MCCC1: variants seen among roughly 807,000 people sequenced by gnomAD.
MCCC1 encodes the protein methylcrotonoyl-CoA carboxylase subunit alpha, mitochondrial.
In MCCC1, 64 loss-of-function variants were observed where a neutral mutation model predicts 83.8. That is an observed-to-expected ratio of 0.76 (90% CI 0.62 to 0.94). The LOEUF (loss-of-function observed/expected upper bound fraction) is 0.94. MCCC1 is among the 40% of genes least tolerant of loss of function. MCCC1 has a pLI of 0.00. For missense variants in MCCC1, 807 were observed against 904.7 expected (o/e 0.89, Z 1.39); for synonymous variants, 322 against 315.4 (o/e 1.02, Z -0.22).
chr3:183,079,533 G>T (rs969093969), intron 4 of MCCC1, among the ~76,000 whole-genome samples: 2 of 152,198 alleles, frequency 1.3e-5, no homozygotes, highest in African/African-American at 4.8e-5. Context: ...CAACCTTGTG[G>T]CTTTGCAGGG....
At chr3:183,102,758 G>GGTT (rs1719334831), upstream of MCCC1, among the ~76,000 whole-genome samples, 1 of 52,168 alleles carries the variant, frequency 1.9e-5, no homozygotes, top group Non-Finnish European at 3.6e-5. Context: ...AGCAGAGAAA[G>GGTT]TTTTTTTTTT....
chr3:183,065,252 A>G (rs999462194), intron 7 of MCCC1, among the ~76,000 whole-genome samples: 12 of 150,640 alleles, frequency 8.0e-5, no homozygotes, highest in Non-Finnish European at 1.8e-4. Flanking sequence ...CTTGTCTTGT[A>G]TGTCCTTGGG....
chr3:183,071,319 A>G lies in MCCC1; in HGVS notation c.530T>C (p.Val177Ala), dbSNP rs1716671130. 1 of 1,614,168 alleles carries G rather than the reference A, an allele frequency of 6.2e-7. No individual in the cohort carries two copies. The highest frequency in any genetic ancestry group is 1.3e-5 in the African/African-American group (1 of 75,038). The change falls in exon 6 of 19, where the codon GTT (valine) becomes GCT (alanine). Residue 177 changes from valine (V) to alanine (A), a missense_variant. By Grantham distance (64) the Val-to-Ala change is moderately conservative. Coordinates refer to ENST00000265594, the MANE Select transcript of MCCC1 (RefSeq NM_020166.5). ...KSIMAAAGVP[V>A]VEGYHGEDQS... ...GTCCTCACCATGATAACCCTCCACA[A>G]CAGGTACTCCAGCAGCAGCCATTAT...
upstream of MCCC1, among the ~76,000 whole-genome samples, chr3:183,104,006 G>A (rs975817137): frequency 2.0e-5 from 3 of 152,162 alleles, no homozygotes; most frequent in African/African-American, 7.2e-5. Flanking sequence ...GCCCCTCATT[G>A]CCCCGGGCCG....
At chr3:183,032,505 C>T (rs1428750131) in intron 14 of MCCC1, among the ~76,000 whole-genome samples, 1 of 152,170 alleles carries the variant, frequency 6.6e-6, no homozygotes, top group Non-Finnish European at 1.5e-5. Context: ...GCCCAATGCA[C>T]TTAAGATAAT....
At chr3:183,095,416 A>C (rs893319031) in intron 1 of MCCC1, among the ~76,000 whole-genome samples, 1 of 152,248 alleles carries the variant, frequency 6.6e-6, no homozygotes, top group Non-Finnish European at 1.5e-5. Context: ...ATGTTTAAAA[A>C]GTAAGACCAG....
chr3:183,044,492 G>C (rs1714374043), intron 10 of MCCC1, among the ~76,000 whole-genome samples: 1 of 152,052 alleles, frequency 6.6e-6, no homozygotes, highest in South Asian at 2.1e-4. Flanking sequence ...TTTACTCATG[G>C]GCCCGCAACA....
intron 1 of MCCC1, among the ~76,000 whole-genome samples, chr3:183,111,976 G>A (rs1719502491): frequency 6.6e-6 from 1 of 151,586 alleles, no homozygotes. Flanking sequence ...CATTGTTTTG[G>A]CTTTCCTAAA....
intron 1 of MCCC1, among the ~76,000 whole-genome samples, chr3:183,110,975 TC>T (rs1282754947): frequency 6.6e-6 from 1 of 152,230 alleles, no homozygotes; most frequent in Non-Finnish European, 1.5e-5. Flanking sequence ...TTCTGGATTC[TC>T]TATTCTGCTC....
At chr3:183,017,460 G>T (rs1711742487) in intron 17 of MCCC1, 123 bp from the exon 18 acceptor site, 1 of 859,708 alleles carries the variant, frequency 1.2e-6, no homozygotes, top group Admixed American at 1.9e-5. Context: ...TGCAAACCAT[G>T]AATATAAACA....
At chr3:183,017,433 T>G (rs1711739541) in intron 17 of MCCC1, 96 bp from the exon 18 acceptor site, 1 of 1,062,994 alleles carries the variant, frequency 9.4e-7, no homozygotes, top group Middle Eastern at 2.0e-4. Context: ...TGTCTATATA[T>G]ACTCATAACA....
At chr3:183,076,601 G>A (rs1007133054) in intron 4 of MCCC1, among the ~76,000 whole-genome samples, 3 of 152,036 alleles carry the variant, frequency 2.0e-5, no homozygotes, top group Admixed American at 6.6e-5. Context: ...ATTTTATTTT[G>A]CATTTCTACC....
intron 4 of MCCC1, among the ~76,000 whole-genome samples, chr3:183,084,442 T>A (rs947311946): frequency 1.3e-5 from 2 of 152,186 alleles, no homozygotes; most frequent in Non-Finnish European, 2.9e-5. Context: ...TATGTATATC[T>A]CCACGTACTA....
intron 1 of MCCC1, among the ~76,000 whole-genome samples, chr3:183,114,854 C>A (rs117239186): frequency 6.6e-6 from 1 of 152,272 alleles, no homozygotes; most frequent in East Asian, 1.9e-4. Context: ...AGGACCCATG[C>A]TGGCTGCCCC....
upstream of MCCC1, among the ~76,000 whole-genome samples, chr3:183,102,758 GTTTTTTTTTTTTTT>G (rs566199257): frequency 5.0e-3 from 260 of 52,218 alleles, 7 homozygotes; most frequent in African/African-American, 0.016. Context: ...AGCAGAGAAA[GTTTTTTTTTTTTTT>G]TTTTTTTTTT....
chr3:183,065,922 T>G lies in MCCC1; in HGVS notation c.761+5077A>C, dbSNP rs374902360. Among the ~76,000 whole-genome samples the G allele has an allele frequency of 3.9e-5, 6 of 152,184 alleles. No homozygotes were observed. The South Asian group carries it at 1.2e-3, about 32-fold the overall frequency. On this transcript the variant is annotated intron_variant, in intron 7 of 18. Transcript: ENST00000265594. ...CTCACCTTATGGTCAAACATTAAAA[T>G]TGGGTAGATATGTCTATAAGGTTTT...
chr3:183,046,517 C>T (rs1714570068), intron 9 of MCCC1, among the ~76,000 whole-genome samples: 1 of 151,980 alleles, frequency 6.6e-6, no homozygotes, highest in Admixed American at 6.6e-5. Context: ...TCCACCTCAG[C>T]CTCCTGAGTA....
intron 1 of MCCC1, among the ~76,000 whole-genome samples, chr3:183,110,512 G>A (rs1719474747): frequency 6.6e-6 from 1 of 151,408 alleles, no homozygotes. Flanking sequence ...TCCTGCCTCA[G>A]CCTCCTGAGT....
intron 4 of MCCC1, among the ~76,000 whole-genome samples, chr3:183,075,078 G>A (rs992955116): frequency 1.2e-4 from 19 of 152,320 alleles, no homozygotes; most frequent in Middle Eastern, 3.4e-3. Context: ...ATAGTATTCC[G>A]TGGTGTATAT....
Sources: gnomAD v4.1 joint callset for allele counts (sites outside exome capture counted in the v4.1 genomes callset) on GRCh38, gnomAD v4.1.1 for gene constraint, MANE v1.5 for transcripts, NCBI Gene and HGNC (gene_info 2026-07-23, HGNC 2026-07-21) for gene names.